Variants in CCSER1 observed in about 807,000 individuals in gnomAD.
CCSER1 encodes coiled-coil serine rich protein 1, also known as serine-rich coiled-coil domain-containing protein 1.
CCSER1 carries 41 observed loss-of-function variants against 82.0 expected under a neutral mutation model. The observed-to-expected ratio is 0.50, with a 90% CI of 0.39 to 0.65. CCSER1 has a LOEUF of 0.65. Among genes scored for constraint, CCSER1 ranks in the 30% least tolerant of loss-of-function variants. The pLI is 0.00. For synonymous variants in CCSER1, 414 were observed against 383.9 expected, an observed-to-expected ratio of 1.08 and a Z score of -0.92; for missense variants, 1,119 against 1,064.2, an observed-to-expected ratio of 1.05 and a Z score of -0.72.
chr4:90,745,193 C>T (rs1747211991), intron 7 of CCSER1, among the ~76,000 whole-genome samples: 1 of 152,062 alleles, frequency 6.6e-6, no homozygotes, highest in African/African-American at 2.4e-5. Context: ...ACCTTTTGAA[C>T]TTCTAGAAGC....
chr4:91,139,271 T>C (rs1728794487), intron 10 of CCSER1, among the ~76,000 whole-genome samples: 1 of 152,120 alleles, frequency 6.6e-6, no homozygotes, highest in Non-Finnish European at 1.5e-5. Context: ...CACATTTTTT[T>C]TTTATCCAGT....
chr4:90,459,399 C>T (rs72885033), intron 4 of CCSER1, among the ~76,000 whole-genome samples: 13,942 of 151,918 alleles, frequency 0.092, 914 homozygotes, highest in African/African-American at 0.18. Context: ...GTAATTCTGT[C>T]CCCCTAAAAT....
chr4:90,566,349 G>A (rs981443992), intron 5 of CCSER1, among the ~76,000 whole-genome samples: 4 of 151,348 alleles, frequency 2.6e-5, no homozygotes, highest in Non-Finnish European at 5.9e-5. Context: ...TTTTTTGGAT[G>A]AGTTTAAGAA....
In CCSER1 at chr4:90,351,334, T is replaced by C. The variant is rs139658716; in HGVS notation, c.1509+38287T>C. On this transcript the variant is annotated intron_variant, in intron 3 of 10. Coordinates refer to ENST00000509176, the MANE Select transcript of CCSER1 (RefSeq NM_001145065.2). The stretch of plus-strand genomic sequence containing the variant: ...TCTTGGTGTTCACTTGGAGAAAAAG[T>C]TGTGTCTCCCCTTTTCATGTTTTAT... Among the ~76,000 whole-genome samples, 6 of 152,250 alleles carry C rather than the reference T, an allele frequency of 3.9e-5. No individual in the cohort carries two copies. In the East Asian group the frequency reaches 1.2e-3, roughly 29 times the overall value.
chr4:91,351,962 T>G (rs1361490350), intron 10 of CCSER1, among the ~76,000 whole-genome samples: 1 of 152,128 alleles, frequency 6.6e-6, no homozygotes, highest in Non-Finnish European at 1.5e-5. Context: ...TTCTGAGCGC[T>G]GAAATGCAAT....
At chr4:91,216,029 CTT>C (rs1737212422) in intron 10 of CCSER1, among the ~76,000 whole-genome samples, 1 of 152,188 alleles carries the variant, frequency 6.6e-6, no homozygotes, top group Non-Finnish European at 1.5e-5. Context: ...ATCTCATACA[CTT>C]TGTCCTTCTC....
Position 90,598,777 on chromosome 4 carries a change from T to A in CCSER1, c.1725-29248T>A, listed in dbSNP as rs192150119. On this transcript the variant is annotated intron_variant, in intron 5 of 10. Coordinates refer to ENST00000509176, the MANE Select transcript of CCSER1 (RefSeq NM_001145065.2). ...GGGTTGGCTCAGGTGTCTACCTCACTGGGCCTAGGTTCAAGTAGTCAGGGG... is the reference window on the plus strand; with the variant it reads ...GGGTTGGCTCAGGTGTCTACCTCACAGGGCCTAGGTTCAAGTAGTCAGGGG... Among the ~76,000 whole-genome samples the A allele has an allele frequency of 1.3e-3, 194 of 152,200 alleles. 1 individual carries two copies. The highest frequency in any genetic ancestry group is 4.5e-3 in the African/African-American group (186 of 41,544).
chr4:91,297,108 G>C (rs1255923970), intron 10 of CCSER1, among the ~76,000 whole-genome samples: 2 of 151,782 alleles, frequency 1.3e-5, no homozygotes, highest in Non-Finnish European at 2.9e-5. Flanking sequence ...GTTAAATGAG[G>C]CTTGGAAAGT....
chr4:91,323,563 A>G (rs1344823738), intron 10 of CCSER1, among the ~76,000 whole-genome samples: 1 of 152,182 alleles, frequency 6.6e-6, no homozygotes, highest in Non-Finnish European at 1.5e-5. Context: ...AGGTCCTTCT[A>G]CACTTAGGAC....
intron 1 of CCSER1, among the ~76,000 whole-genome samples, chr4:90,221,030 A>G (rs918033905): frequency 2.0e-5 from 3 of 152,208 alleles, no homozygotes; most frequent in African/African-American, 7.2e-5. Flanking sequence ...ATAAATGGGA[A>G]TTGATTTTTA....
chr4:90,888,276 A>G (rs1722450635), intron 8 of CCSER1, among the ~76,000 whole-genome samples: 2 of 152,198 alleles, frequency 1.3e-5, no homozygotes, highest in Admixed American at 1.3e-4. Flanking sequence ...AAAGTAGATT[A>G]AAGAGGAAAA....
intron 9 of CCSER1, among the ~76,000 whole-genome samples, chr4:91,067,499 C>T (rs556637275): frequency 2.2e-4 from 34 of 152,032 alleles, no homozygotes; most frequent in Admixed American, 7.9e-4. Context: ...GCCTGCCCTA[C>T]CACCCCTGGG....
chr4:91,597,656 A>T (rs1764647739), intron 10 of CCSER1, among the ~76,000 whole-genome samples: 2 of 152,128 alleles, frequency 1.3e-5, no homozygotes, highest in Non-Finnish European at 2.9e-5. Flanking sequence ...GATGATGGCT[A>T]AATAAGCAAA....
intron 5 of CCSER1, among the ~76,000 whole-genome samples, chr4:90,601,787 G>A (rs969585904): frequency 2.0e-5 from 3 of 151,648 alleles, no homozygotes; most frequent in African/African-American, 4.8e-5. Flanking sequence ...TACTTTTTAT[G>A]TTCTACTTTT....
chr4:91,272,860 C>T (rs1742143536), intron 10 of CCSER1, among the ~76,000 whole-genome samples: 1 of 152,098 alleles, frequency 6.6e-6, no homozygotes, highest in Admixed American at 6.6e-5. Context: ...GTGTGCTTTG[C>T]CCACTTTATA....
chr4:91,183,651 G>A (rs1021872491), intron 10 of CCSER1, among the ~76,000 whole-genome samples: 2 of 152,008 alleles, frequency 1.3e-5, no homozygotes, highest in African/African-American at 4.8e-5. Context: ...CCGTGAATTA[G>A]TATGTGGAAG....
At chr4:90,908,422 G>A (rs1725821040) in intron 8 of CCSER1, among the ~76,000 whole-genome samples, 2 of 152,018 alleles carry the variant, frequency 1.3e-5, no homozygotes, top group Admixed American at 6.6e-5. Context: ...AATAGATAAG[G>A]TGATATAAGG....
chr4:90,821,716 C>T (rs192535539), intron 8 of CCSER1, among the ~76,000 whole-genome samples: 6 of 152,166 alleles, frequency 3.9e-5, no homozygotes, highest in Admixed American at 2.6e-4. Flanking sequence ...TAATTTATTA[C>T]ACTTAATGAT....
chr4:91,262,842 C>G (rs946377187), intron 10 of CCSER1, among the ~76,000 whole-genome samples: 35 of 144,904 alleles, frequency 2.4e-4, no homozygotes, highest in African/African-American at 9.1e-4. Context: ...ACATGAGGCT[C>G]TTATCATATG....
Sources: gnomAD v4.1 joint callset for allele counts (sites outside exome capture counted in the v4.1 genomes callset) on GRCh38, gnomAD v4.1.1 for gene constraint, MANE v1.5 for transcripts, NCBI Gene and HGNC (gene_info 2026-07-23, HGNC 2026-07-21) for gene names.